INPP4B: variants seen among roughly 807,000 people sequenced by gnomAD.
INPP4B encodes inositol polyphosphate 4-phosphatase type II.
Under a neutral mutation model 122.5 loss-of-function variants are expected in INPP4B, and 55 were observed. The observed-to-expected ratio is 0.45, with a 90% CI of 0.36 to 0.56. The LOEUF (loss-of-function observed/expected upper bound fraction) is 0.56, where lower values mean the gene tolerates loss of function less well. Ranked by LOEUF, INPP4B falls within the 20% of genes least tolerant of loss-of-function variation. INPP4B has a pLI of 0.00. For missense variants in INPP4B, 1,000 were observed against 1,097.7 expected (o/e 0.91, Z 1.26); for synonymous variants, 403 against 388.7 (o/e 1.04, Z -0.43).
intron 1 of INPP4B, among the ~76,000 whole-genome samples, chr4:142,819,031 A>G (rs1780486290): frequency 6.6e-6 from 1 of 152,128 alleles, no homozygotes; most frequent in African/African-American, 2.4e-5. Context: ...CTTTGTTGAG[A>G]GATGAAGGAC....
chr4:142,524,726 C>T (rs551570626), intron 2 of INPP4B, among the ~76,000 whole-genome samples: 5,250 of 151,478 alleles, frequency 0.035, 44 homozygotes, highest in Non-Finnish European at 0.051. Context: ...TAGGTATTGA[C>T]GGGACGTATT....
At chr4:142,390,528 C>T (rs1171639962) in intron 7 of INPP4B, among the ~76,000 whole-genome samples, 3 of 152,050 alleles carry the variant, frequency 2.0e-5, no homozygotes, top group African/African-American at 7.2e-5. Context: ...TCTTTTCTGA[C>T]TTATAACTTT....
At chr4:142,476,319 T>C (rs891501754) in intron 2 of INPP4B, among the ~76,000 whole-genome samples, 2 of 152,222 alleles carry the variant, frequency 1.3e-5, no homozygotes, top group East Asian at 3.8e-4. Flanking sequence ...ACCTGCCTTA[T>C]AAGAGGTTCT....
intron 25 of INPP4B, among the ~76,000 whole-genome samples, chr4:142,060,389 A>C (rs1216746516): frequency 1.3e-5 from 2 of 152,234 alleles, no homozygotes; most frequent in East Asian, 3.9e-4. Context: ...CCCCAGAAAA[A>C]CTCAGGAGAA....
At chr4:142,285,029 GA>G (rs1752882381) in intron 9 of INPP4B, among the ~76,000 whole-genome samples, 2 of 152,066 alleles carry the variant, frequency 1.3e-5, no homozygotes, top group African/African-American at 4.8e-5. Context: ...GGATGTGGGG[GA>G]GGGGCTGTGT....
intron 2 of INPP4B, among the ~76,000 whole-genome samples, chr4:142,573,382 C>A (rs1372248823): frequency 6.6e-6 from 1 of 152,014 alleles, no homozygotes; most frequent in Non-Finnish European, 1.5e-5. Flanking sequence ...ACTCAAGGAC[C>A]CACAACCATT....
chr4:142,127,421 C>T (rs1407925395), intron 18 of INPP4B, among the ~76,000 whole-genome samples: 1 of 151,886 alleles, frequency 6.6e-6, no homozygotes, highest in African/African-American at 2.4e-5. Context: ...TCCATCTTCA[C>T]TTATTTAACC....
At chr4:142,034,313 G>T (rs1354403902) in intron 25 of INPP4B, among the ~76,000 whole-genome samples, 1 of 152,088 alleles carries the variant, frequency 6.6e-6, no homozygotes, top group Admixed American at 6.5e-5. Flanking sequence ...ATCTTAGCAG[G>T]TGGGGCCCAG....
At chr4:142,419,169 T>C (rs1806365441) in intron 5 of INPP4B, among the ~76,000 whole-genome samples, 1 of 152,002 alleles carries the variant, frequency 6.6e-6, no homozygotes, top group South Asian at 2.1e-4. Flanking sequence ...AAGTAAAGAT[T>C]TAAAAACTCA....
At chr4:142,445,088 T>G (rs766241821) in intron 3 of INPP4B, among the ~76,000 whole-genome samples, 2 of 152,006 alleles carry the variant, frequency 1.3e-5, no homozygotes, top group African/African-American at 2.4e-5. Context: ...CCTGGATGAC[T>G]GCTTGATGGG....
rs188723173 is a variant in INPP4B at position 142,590,117 on chromosome 4, G to T, written c.-190-127391C>A. On this transcript the variant is annotated intron_variant, in intron 2 of 25. Coordinates refer to ENST00000262992, the MANE Select transcript of INPP4B (RefSeq NM_001101669.3). ...CAGGAACTGATGAGACAAGCAGGAA[G>T]GACTGAATCGGTGAAGCACAGGGGA... Among the ~76,000 whole-genome samples the T allele has an allele frequency of 1.6e-3, 236 of 152,152 alleles. 2 individuals carry two copies. Among genetic ancestry groups the T allele is most frequent in the Non-Finnish European group, 1.4e-3 (93 of 67,976 alleles).
chr4:142,691,202 C>G (rs1428471021), intron 2 of INPP4B, among the ~76,000 whole-genome samples: 2 of 152,044 alleles, frequency 1.3e-5, no homozygotes, highest in Non-Finnish European at 2.9e-5. Flanking sequence ...CTATCAAACT[C>G]TAAAAGCCCA....
intron 3 of INPP4B, among the ~76,000 whole-genome samples, chr4:142,436,809 T>TAA (rs35215542): frequency 1.3e-3 from 183 of 138,816 alleles, no homozygotes; most frequent in Admixed American, 2.0e-3. Flanking sequence ...AAAGAATCAA[T>TAA]AAAAAAAAAA....
intron 12 of INPP4B, among the ~76,000 whole-genome samples, chr4:142,216,136 C>A (rs1308841058): frequency 1.3e-5 from 2 of 152,086 alleles, no homozygotes; most frequent in Non-Finnish European, 2.9e-5. Flanking sequence ...CTTTCAATCA[C>A]TACTTTGCAA....
rs144719442 is a variant in INPP4B at position 142,050,189 on chromosome 4, G to T, written c.2643-21275C>A. 3.7e-4 allele frequency among the ~76,000 whole-genome samples: 57 copies of T among 152,024 alleles called. No individual in the cohort carries two copies. In the East Asian group the frequency reaches 8.3e-3, roughly 22 times the overall value. On this transcript the variant is annotated intron_variant, in intron 25 of 25. Coordinates refer to ENST00000262992, the MANE Select transcript of INPP4B (RefSeq NM_001101669.3). ...ATTCACTGAAAACTGCTGCCAAGAA[G>T]TTGGCTAGGGGATAGGGAAGAATTG... is the stretch of plus-strand genomic sequence containing the variant.
chr4:142,131,431 C>T (rs3775658), intron 18 of INPP4B, among the ~76,000 whole-genome samples: 16,625 of 152,132 alleles, frequency 0.11, 1,053 homozygotes, highest in East Asian at 0.23. Flanking sequence ...AGAAGTTTCC[C>T]AGTAATGTTC....
At chr4:142,651,626 AT>A (rs1295826879) in intron 2 of INPP4B, among the ~76,000 whole-genome samples, 9 of 152,226 alleles carry the variant, frequency 5.9e-5, no homozygotes, top group Admixed American at 5.9e-4. Context: ...TCTAGAAGAA[AT>A]GGATAAGTTC....
chr4:142,069,259 A>G (rs336371), intron 25 of INPP4B, among the ~76,000 whole-genome samples: 120,818 of 151,582 alleles, frequency 0.8, 50,955 homozygotes, highest in Non-Finnish European at 0.92. Context: ...ATGAAGGCAG[A>G]AATAAAGATG....
chr4:142,132,024 C>T (rs1272346357), intron 18 of INPP4B, among the ~76,000 whole-genome samples: 1 of 151,728 alleles, frequency 6.6e-6, no homozygotes, highest in African/African-American at 2.4e-5. Flanking sequence ...CTCCCTTTTC[C>T]TCTATCTCGG....
Sources: gnomAD v4.1 joint callset for allele counts (sites outside exome capture counted in the v4.1 genomes callset) on GRCh38, gnomAD v4.1.1 for gene constraint, MANE v1.5 for transcripts, NCBI Gene and HGNC (gene_info 2026-07-23, HGNC 2026-07-21) for gene names.